Variants in PRDM9 observed in about 807,000 individuals in gnomAD.
PRDM9 encodes the protein PR/SET domain 9.
A neutral mutation model predicts 55.6 loss-of-function variants in PRDM9; 47 were observed. The ratio of observed to expected loss-of-function variants is 0.85; its 90% CI spans 0.67 to 1.08. The LOEUF is 1.08. Among genes scored for constraint, PRDM9 ranks in the 50% least tolerant of loss-of-function variants. The pLI is 0.00. For synonymous variants in PRDM9, 312 were observed against 375.7 expected (o/e 0.83, Z 1.96); for missense variants, 867 against 1,040.3 (o/e 0.83, Z 2.29).
chr5:23,523,374 C>G lies in PRDM9; in HGVS notation c.950+16C>G. ...ACTGGATGAGGTAAGGCCAGTAGCT[C>G]TCTGAGTTGCAGAGAGAACCTTCAT... On this transcript the variant is annotated intron_variant, in intron 9 of 10. Transcript: ENST00000296682. The G allele has an allele frequency of 1.2e-6, 2 of 1,604,156 alleles. No homozygotes were observed. The highest frequency in any genetic ancestry group is 4.5e-5 in the East Asian group (2 of 44,822).
rs1310202376 is a variant in PRDM9 at position 23,509,925 on chromosome 5, A to G, written c.199A>G (p.Arg67Gly). The change falls in exon 4 of 11, where the codon AGA (arginine) becomes GGA (glycine). Residue 67 changes from arginine to glycine, a missense_variant. Arg to Gly is a moderately radical substitution (Grantham distance 125). Transcript: ENST00000296682. ...AAATTTTTGCTTCTTTTCAGGTCTCAGAGCCACTCGACCAGCTTTCATGTG... is the reference window on the plus strand; with the variant it reads ...AAATTTTTGCTTCTTTTCAGGTCTCGGAGCCACTCGACCAGCTTTCATGTG... ...NYNALITIGL[R>G]ATRPAFMCHR... The G allele has an allele frequency of 1.2e-6, 2 of 1,613,984 alleles. No homozygotes were observed. Among genetic ancestry groups the G allele is most frequent in the Non-Finnish European group, 1.7e-6 (2 of 1,180,016 alleles).
chr5:23,521,094 T>C lies in PRDM9; in HGVS notation c.423T>C (p.Asn141=), dbSNP rs1189944641. The stretch of plus-strand genomic sequence containing the variant: ...TGTCAAGAACAGCAAATTTACTGAA[T>C]GCAAGTGGCTCAGAGCAGGCTCAGA... ...KELSRTANLL[N]ASGSEQAQKP... is the part of the protein sequence containing the mutation. Residue 141 remains asparagine, a synonymous_variant, in exon 6 of 11, where the codon AAT becomes AAC. Transcript: ENST00000296682. 1.2e-6 allele frequency: 2 copies of C among 1,614,090 alleles called. No individual in the cohort carries two copies. Among genetic ancestry groups the C allele is most frequent in the East Asian group, 2.2e-5 (1 of 44,892 alleles).
chr5:23,517,874 C>G lies in PRDM9; in HGVS notation c.302-7C>G. 1 of 1,586,962 alleles carries G rather than the reference C, an allele frequency of 6.3e-7. No homozygotes were observed. Among genetic ancestry groups the G allele is most frequent in the Non-Finnish European group, 8.7e-7 (1 of 1,155,290 alleles). ...AACCAAACCACTGATTTCTCATCAC[C>G]TTTTAGTCAAACCTCCTTGGATGGC... On this transcript the variant is annotated splice_polypyrimidine_tract_variant and splice_region_variant and intron_variant, in intron 4 of 10. Transcript: ENST00000296682.
chr5:23,527,687 C>T lies in PRDM9; in HGVS notation c.2599C>T (p.Arg867Trp), dbSNP rs1299187030. The T allele has an allele frequency of 6.3e-7, 1 of 1,586,220 alleles. No homozygotes were observed. The highest frequency in any genetic ancestry group is 8.6e-7 in the Non-Finnish European group (1 of 1,165,816). Residue 867 changes from arginine to tryptophan, a missense_variant, in exon 11 of 11, where the codon CGG becomes TGG. Around this residue, in one of 5 missense-constraint regions of PRDM9, gnomAD observed 86 missense variants for 73.6 expected, o/e 1.17. Transcript: ENST00000296682. ...EKPYVCRECG[R>W]GFSDRSSLCY... The stretch of plus-strand genomic sequence containing the variant: ...GCCCTACGTCTGCAGGGAGTGTGGG[C>T]GGGGCTTTAGCGATAGGTCAAGCCT...
Position 23,509,499 on chromosome 5 carries a change from A to G in PRDM9, c.99A>G (p.Ile33Met), listed in dbSNP as rs772778879. ...AAGATGCCTTCAAAGACATTTCCAT[A>G]TACTTCACCAAGGAAGAATGGGCAG... is the stretch of plus-strand genomic sequence containing the variant. ...MVKDAFKDIS[I>M]YFTKEEWAEM... The change falls in exon 3 of 11, where the codon ATA (isoleucine) becomes ATG (methionine). Residue 33 changes from isoleucine to methionine, a missense_variant. Ile to Met is a conservative substitution (Grantham distance 10). Around this residue, in one of 5 missense-constraint regions of PRDM9, gnomAD observed 662 missense variants for 711.9 expected, o/e 0.93. Transcript: ENST00000296682. 5.6e-6 allele frequency: 9 copies of G among 1,614,198 alleles called. No homozygotes were observed. Among genetic ancestry groups the G allele is most frequent in the East Asian group, 4.5e-5 (2 of 44,876 alleles).
rs1739010376 is a variant in PRDM9, at chr5:23,507,664, G to C, written c.-133G>C. 6.6e-6 allele frequency: 1 copy of C among 152,380 alleles called. No individual in the cohort carries two copies. Among genetic ancestry groups the C allele is most frequent in the Admixed American group, 6.5e-5 (1 of 15,284 alleles). 9.4% of individuals were successfully genotyped at this position (152,380 alleles called of 1,614,324 possible). On this transcript the variant is annotated 5_prime_UTR_variant, in exon 1 of 11. Transcript: ENST00000296682. ...TGAACGCCGCGGCAGGAGAGCACGGGAGATTGTGAAGAGCATGGGGAGCCT... is the reference window on the plus strand; with the variant it reads ...TGAACGCCGCGGCAGGAGAGCACGGCAGATTGTGAAGAGCATGGGGAGCCT...
chr5:23,521,506 T>G (rs1408222907), intron 6 of PRDM9, among the ~76,000 whole-genome samples: 1 of 152,096 alleles, frequency 6.6e-6, no homozygotes, highest in African/African-American at 2.4e-5. Flanking sequence ...CCCGGCTGAT[T>G]TTTGTATTTT....
intron 6 of PRDM9, 146 bp from the exon 7 acceptor site, chr5:23,522,158 C>T (rs1739338730): frequency 1.3e-6 from 1 of 762,540 alleles, no homozygotes; most frequent in East Asian, 2.5e-5. Context: ...GGGTCTAAGT[C>T]TCTCTGAAGC....
intron 3 of PRDM9, 78 bp downstream of exon 3, chr5:23,509,671 A>G: frequency 6.2e-7 from 1 of 1,607,864 alleles, no homozygotes; most frequent in Non-Finnish European, 8.5e-7. Context: ...TTTAGTTCTC[A>G]GGTGGTGGCA....
At position 23,508,909 on chromosome 5, in the gene PRDM9, T is replaced by G; in HGVS notation, c.-84-41T>G. The G allele has an allele frequency of 3.5e-6, 4 of 1,141,734 alleles. 1 individual carries two copies. Among genetic ancestry groups the G allele is most frequent in the Non-Finnish European group, 5.1e-6 (4 of 777,970 alleles). 70.7% of individuals were successfully genotyped at this position (1,141,734 alleles called of 1,614,324 possible). On this transcript the variant is annotated intron_variant, in intron 1 of 10. Transcript: ENST00000296682. Reference sequence around the variant, plus strand: ...GACAGAGCCTGGTTCTGGGTAGTGCTCAGGGCTGTTGCCCCCTCTCAGCAC... The same window carrying G: ...GACAGAGCCTGGTTCTGGGTAGTGCGCAGGGCTGTTGCCCCCTCTCAGCAC...
rs1354032712 is a variant in PRDM9 at position 23,508,974 on chromosome 5, G to A, written c.-60G>A. 8 of 1,593,798 alleles carry A rather than the reference G, an allele frequency of 5.0e-6. No individual in the cohort carries two copies. The African/African-American group carries it at 6.7e-5, about 13-fold the overall frequency. ...GGAGCCTTTGGCCTAGGAGCTGGGAGACTCAGGGCCCTTCTCACACTCAGA... is the reference window on the plus strand; with the variant it reads ...GGAGCCTTTGGCCTAGGAGCTGGGAAACTCAGGGCCCTTCTCACACTCAGA... On this transcript the variant is annotated 5_prime_UTR_variant, in exon 2 of 11. Transcript: ENST00000296682.
In PRDM9 at chr5:23,516,034, T is replaced by A. The variant is rs560956827; in HGVS notation, c.302-1847T>A. 2.0e-5 allele frequency among the ~76,000 whole-genome samples: 3 copies of A among 152,342 alleles called. 1 individual carries two copies. In the South Asian group the frequency reaches 6.2e-4, roughly 32 times the overall value. On this transcript the variant is annotated intron_variant, in intron 4 of 10. Transcript: ENST00000296682. The stretch of plus-strand genomic sequence containing the variant: ...TATATGAATTTTTGGATATTTTTCC[T>A]TTTCTGAAAATAATGGCATTGGCAT...
chr5:23,521,145 A>G lies in PRDM9; in HGVS notation c.474A>G (p.Ala158=), dbSNP rs770853944. ...AACCAGTGTCCCCTTCTGGAGAAGCAAGTACCTCTGGACAGCACTCAAGAC... is the reference window on the plus strand; with the variant it reads ...AACCAGTGTCCCCTTCTGGAGAAGCGAGTACCTCTGGACAGCACTCAAGAC... The part of the protein sequence containing the change: ...AQKPVSPSGE[A]STSGQHSRLK... The change falls in exon 6 of 11, where the codon GCA becomes GCG. Residue 158 remains alanine (A), a synonymous_variant. Coordinates refer to ENST00000296682, the MANE Select transcript of PRDM9 (RefSeq NM_020227.4). The G allele has an allele frequency of 1.2e-6, 2 of 1,613,828 alleles. No homozygotes were observed. The highest frequency in any genetic ancestry group is 1.7e-6 in the Non-Finnish European group (2 of 1,180,038).
In PRDM9 at chr5:23,509,679, G is replaced by A; in HGVS notation, c.193+86G>A. 1.9e-6 allele frequency: 3 copies of A among 1,602,220 alleles called. No homozygotes were observed. The South Asian group carries it at 3.3e-5, about 18-fold the overall frequency. On this transcript the variant is annotated intron_variant, in intron 3 of 10. Coordinates refer to ENST00000296682, the MANE Select transcript of PRDM9 (RefSeq NM_020227.4). Reference sequence around the variant, plus strand: ...ATATTATTTTAGTTCTCAGGTGGTGGCATCTGCCCACAATTCCCTTTTTCA... The same window carrying A: ...ATATTATTTTAGTTCTCAGGTGGTGACATCTGCCCACAATTCCCTTTTTCA...
intron 4 of PRDM9, among the ~76,000 whole-genome samples, chr5:23,511,691 A>G (rs757107742): frequency 2.6e-5 from 4 of 152,224 alleles, no homozygotes; most frequent in Non-Finnish European, 5.9e-5. Flanking sequence ...GTATTTATAG[A>G]TACAATAATA....
At chr5:23,518,054 A>G (rs941987794) in intron 5 of PRDM9, 124 bp downstream of exon 5, 3 of 845,814 alleles carry the variant, frequency 3.5e-6, no homozygotes, top group African/African-American at 3.3e-5. Flanking sequence ...TCTTTAGCAC[A>G]GTGTCTGACA....
intron 4 of PRDM9, among the ~76,000 whole-genome samples, chr5:23,516,297 T>G (rs1158963011): frequency 1.3e-5 from 2 of 152,220 alleles, no homozygotes; most frequent in African/African-American, 4.8e-5. Flanking sequence ...TTTCTTAATT[T>G]CCTTTGTGGA....
At chr5:23,516,773 G>C (rs1355220491) in intron 4 of PRDM9, among the ~76,000 whole-genome samples, 1 of 146,706 alleles carries the variant, frequency 6.8e-6, no homozygotes, top group Non-Finnish European at 1.5e-5. Context: ...AGGCTGGAGT[G>C]CAGTGGCACG....
At chr5:23,522,272 C>T in intron 6 of PRDM9, 32 bp from the exon 7 acceptor site, 1 of 1,556,420 alleles carries the variant, frequency 6.4e-7, no homozygotes, top group Non-Finnish European at 8.9e-7. Context: ...CCCAGATTCC[C>T]AATTTTACCC....
Sources: gnomAD v4.1 joint callset for allele counts (sites outside exome capture counted in the v4.1 genomes callset) on GRCh38, gnomAD v4.1.1 for gene constraint, gnomAD v4.1.1 regional missense constraint, MANE v1.5 for transcripts, NCBI Gene and HGNC (gene_info 2026-07-23, HGNC 2026-07-21) for gene names.